HECW1: variants seen among roughly 807,000 people sequenced by gnomAD.
The protein encoded by HECW1 is E3 ubiquitin-protein ligase HECW1.
Under a neutral mutation model 182.3 loss-of-function variants are expected in HECW1, and 61 were observed. That is an observed-to-expected ratio of 0.33 (90% CI 0.27 to 0.41). HECW1 has a LOEUF of 0.41. Among genes scored for constraint, HECW1 ranks in the 10% least tolerant of loss-of-function variants. HECW1 has a pLI of 1.00. For synonymous variants in HECW1, 859 were observed against 832.6 expected (o/e 1.03, Z -0.55); for missense variants, 1,739 against 2,108.9 (o/e 0.82, Z 3.44).
chr7:43,153,719 G>A (rs778218605), intron 2 of HECW1, among the ~76,000 whole-genome samples: 1 of 152,190 alleles, frequency 6.6e-6, no homozygotes, highest in African/African-American at 2.4e-5. Context: ...AGGTCTGACC[G>A]AGGAAAATGG....
chr7:43,294,836 G>A (rs1805837963), intron 3 of HECW1, among the ~76,000 whole-genome samples: 3 of 152,208 alleles, frequency 2.0e-5, no homozygotes, highest in African/African-American at 7.2e-5. Flanking sequence ...CTGTGACGCA[G>A]CCTCAGGAGG....
chr7:43,320,029 G>A (rs570640645), intron 4 of HECW1, among the ~76,000 whole-genome samples: 1 of 152,186 alleles, frequency 6.6e-6, no homozygotes, highest in African/African-American at 2.4e-5. Flanking sequence ...TACTGGTTTT[G>A]CCCAACACCA....
At chr7:43,510,762 G>A (rs749735069) in intron 24 of HECW1, among the ~76,000 whole-genome samples, 4 of 152,152 alleles carry the variant, frequency 2.6e-5, no homozygotes, top group Non-Finnish European at 4.4e-5. Flanking sequence ...AGGACAACAG[G>A]GACAAGTACC....
intron 2 of HECW1, among the ~76,000 whole-genome samples, chr7:43,210,252 G>C (rs568335183): frequency 6.6e-6 from 1 of 152,102 alleles, no homozygotes; most frequent in Admixed American, 6.5e-5. Flanking sequence ...TGTTGTCACT[G>C]CCCAAAACGA....
chr7:43,531,161 G>T (rs2080968525), intron 24 of HECW1, among the ~76,000 whole-genome samples: 2 of 152,170 alleles, frequency 1.3e-5, no homozygotes, highest in Non-Finnish European at 2.9e-5. Context: ...TTCTTGGAAA[G>T]CCTTTCCCTG....
At chr7:43,462,779 T>G (rs1378341512) in intron 13 of HECW1, among the ~76,000 whole-genome samples, 1 of 152,224 alleles carries the variant, frequency 6.6e-6, no homozygotes, top group Non-Finnish European at 1.5e-5. Context: ...AAGGGTGGCC[T>G]GCTTTTGTAC....
At chr7:43,546,624 AAAAAACAAAC>A (rs2081575626) in intron 26 of HECW1, among the ~76,000 whole-genome samples, 1 of 147,666 alleles carries the variant, frequency 6.8e-6, no homozygotes, top group Non-Finnish European at 1.5e-5. Context: ...ATCAAAAAAA[AAAAAACAAAC>A]AAACTTTAAA....
chr7:43,406,841 C>A (rs1302817661), intron 7 of HECW1, among the ~76,000 whole-genome samples: 1 of 152,142 alleles, frequency 6.6e-6, no homozygotes, highest in Non-Finnish European at 1.5e-5. Context: ...AATGCTTGAA[C>A]CCAGGAGGCA....
chr7:43,325,073 C>G (rs538934166), intron 5 of HECW1, among the ~76,000 whole-genome samples: 192 of 152,250 alleles, frequency 1.3e-3, no homozygotes, highest in Non-Finnish European at 2.1e-3. Flanking sequence ...TCTGCACTCT[C>G]CAAGGAGTAA....
At chr7:43,285,426 T>C (rs1403834154) in intron 3 of HECW1, among the ~76,000 whole-genome samples, 1 of 152,128 alleles carries the variant, frequency 6.6e-6, no homozygotes, top group Non-Finnish European at 1.5e-5. Flanking sequence ...CCTGCATAGG[T>C]CCATGAGGAT....
intron 2 of HECW1, among the ~76,000 whole-genome samples, chr7:43,234,732 T>G (rs1332231313): frequency 1.3e-5 from 2 of 152,156 alleles, no homozygotes; most frequent in Admixed American, 1.3e-4. Flanking sequence ...GTGTTTTTGG[T>G]TGCTCTCTTT....
At chr7:43,357,112 C>G (rs572317638) in intron 5 of HECW1, among the ~76,000 whole-genome samples, 4 of 152,196 alleles carry the variant, frequency 2.6e-5, no homozygotes, top group Admixed American at 1.3e-4. Context: ...AAGGGGAGCC[C>G]TCATACACTG....
intron 5 of HECW1, among the ~76,000 whole-genome samples, chr7:43,326,220 A>G (rs2057809): frequency 0.2 from 30,516 of 152,194 alleles, 4,565 homozygotes; most frequent in African/African-American, 0.4. Context: ...TTAAAAACAC[A>G]CAGGGGCTCC....
chr7:43,319,110 G>T (rs1426492120), intron 4 of HECW1, among the ~76,000 whole-genome samples: 1 of 152,192 alleles, frequency 6.6e-6, no homozygotes, highest in African/African-American at 2.4e-5. Flanking sequence ...ACATCGGGCC[G>T]GGCGCGGTGG....
chr7:43,221,992 TA>T (rs935510003), intron 2 of HECW1, among the ~76,000 whole-genome samples: 1 of 152,190 alleles, frequency 6.6e-6, no homozygotes, highest in African/African-American at 2.4e-5. Flanking sequence ...GGTAGCTCAA[TA>T]AAAATGCTTA....
At chr7:43,455,169 G>A (rs1405725406) in intron 12 of HECW1, among the ~76,000 whole-genome samples, 2 of 151,938 alleles carry the variant, frequency 1.3e-5, no homozygotes, top group Admixed American at 1.3e-4. Context: ...GGAAGCAAGG[G>A]AACTTTTCTT....
At chr7:43,408,352 G>T (rs1391274253) in intron 8 of HECW1, among the ~76,000 whole-genome samples, 1 of 152,048 alleles carries the variant, frequency 6.6e-6, no homozygotes, top group Non-Finnish European at 1.5e-5. Flanking sequence ...TGTTGCCTTT[G>T]CCAGGGGTTA....
intron 2 of HECW1, among the ~76,000 whole-genome samples, chr7:43,135,993 T>TTTA (rs58755780): frequency 6.6e-6 from 1 of 151,494 alleles, no homozygotes; most frequent in Non-Finnish European, 1.5e-5. Flanking sequence ...TTTTTTTTTT[T>TTTA]ACTATTTGCT....
At chr7:43,252,138 A>G (rs562374018) in intron 3 of HECW1, among the ~76,000 whole-genome samples, 1 of 152,188 alleles carries the variant, frequency 6.6e-6, no homozygotes, top group Non-Finnish European at 1.5e-5. Flanking sequence ...TACTCAGCAT[A>G]TAAGTGTTTC....
Sources: allele counts gnomAD v4.1 joint callset (sites outside exome capture counted in the v4.1 genomes callset), GRCh38; gene constraint gnomAD v4.1.1; transcripts MANE v1.5; gene names NCBI Gene and HGNC (gene_info 2026-07-23, HGNC 2026-07-21).